PPM1H: variants seen among roughly 807,000 people sequenced by gnomAD.
PPM1H encodes protein phosphatase 1H.
PPM1H carries 27 observed loss-of-function variants against 54.9 expected under a neutral mutation model. The observed-to-expected ratio is 0.49, with a 90% CI of 0.36 to 0.68. The LOEUF (loss-of-function observed/expected upper bound fraction) is 0.68, where lower values mean the gene tolerates loss of function less well. Ranked by LOEUF, PPM1H falls within the 30% of genes least tolerant of loss-of-function variation. PPM1H has a pLI of 0.00. For synonymous variants in PPM1H, 305 were observed against 270.8 expected (o/e 1.13, Z -1.24); for missense variants, 596 against 667.8 (o/e 0.89, Z 1.19).
At chr12:62,904,157 C>G (rs1409014116) in intron 1 of PPM1H, among the ~76,000 whole-genome samples, 1 of 152,046 alleles carries the variant, frequency 6.6e-6, no homozygotes, top group Admixed American at 6.6e-5. Flanking sequence ...GGCTACATTA[C>G]ATAAAGCATT....
intron 9 of PPM1H, among the ~76,000 whole-genome samples, chr12:62,663,789 C>T (rs1396612001): frequency 6.6e-6 from 1 of 152,066 alleles, no homozygotes; most frequent in Non-Finnish European, 1.5e-5. Flanking sequence ...GTTGGGAGCT[C>T]GAGACCAGCC....
intron 1 of PPM1H, among the ~76,000 whole-genome samples, chr12:62,891,537 A>C (rs1364317349): frequency 6.6e-6 from 1 of 152,238 alleles, no homozygotes; most frequent in Non-Finnish European, 1.5e-5. Context: ...CAATCATTTT[A>C]ACTCAGATGC....
intron 6 of PPM1H, among the ~76,000 whole-genome samples, chr12:62,718,767 T>C (rs1387750153): frequency 6.6e-6 from 1 of 152,208 alleles, no homozygotes; most frequent in African/African-American, 2.4e-5. Context: ...CTGATTTTGC[T>C]AACTAAATAA....
intron 1 of PPM1H, among the ~76,000 whole-genome samples, chr12:62,878,530 GA>G (rs1468293625): frequency 3.3e-5 from 5 of 149,616 alleles, no homozygotes; most frequent in African/African-American, 1.2e-4. Flanking sequence ...GTGTTTTAAG[GA>G]ATCCTACCAG....
intron 1 of PPM1H, among the ~76,000 whole-genome samples, chr12:62,870,404 T>C (rs985593278): frequency 6.6e-6 from 1 of 152,018 alleles, no homozygotes; most frequent in Non-Finnish European, 1.5e-5. Context: ...AGAAGAGAGA[T>C]GAGAGGCTGA....
rs939687994 is a variant in PPM1H, at chr12:62,652,419, A to T, written c.1398-3783T>A. ...TTTAAGTGTATTTTATTAGTAGCAC[A>T]TGGCTAATTAAAACAAAATCCATAT... On this transcript the variant is annotated intron_variant, in intron 9 of 9. Coordinates refer to ENST00000228705, the MANE Select transcript of PPM1H (RefSeq NM_020700.2). Among the ~76,000 whole-genome samples the T allele has an allele frequency of 2.0e-5, 3 of 152,318 alleles. No homozygotes were observed. In the South Asian group the frequency reaches 6.2e-4, roughly 32 times the overall value.
At chr12:62,808,050 C>T (rs1041914629) in intron 2 of PPM1H, among the ~76,000 whole-genome samples, 1 of 152,168 alleles carries the variant, frequency 6.6e-6, no homozygotes, top group Non-Finnish European at 1.5e-5. Flanking sequence ...GTTGCCCAGG[C>T]TAGTGAACTG....
At chr12:62,761,359 A>T (rs552081648) in intron 4 of PPM1H, among the ~76,000 whole-genome samples, 4 of 152,256 alleles carry the variant, frequency 2.6e-5, no homozygotes, top group Non-Finnish European at 5.9e-5. Flanking sequence ...CCTGGGGGGC[A>T]AATGGGATTA....
rs190493632 is a variant in PPM1H at position 62,816,938 on chromosome 12, A to C, written c.412-14778T>G. Among the ~76,000 whole-genome samples the C allele has an allele frequency of 2.8e-3, 426 of 151,738 alleles. 1 individual carries two copies. The highest frequency in any genetic ancestry group is 5.0e-3 in the Non-Finnish European group (340 of 67,918). ...TGTTGTGTTCTCAGCTACTATGTACATTTTGGTCAAACCTGGTCTTCAGAG... is the reference window on the plus strand; with the variant it reads ...TGTTGTGTTCTCAGCTACTATGTACCTTTTGGTCAAACCTGGTCTTCAGAG... On this transcript the variant is annotated intron_variant, in intron 2 of 9. Coordinates refer to ENST00000228705, the MANE Select transcript of PPM1H (RefSeq NM_020700.2).
chr12:62,838,340 G>GT (rs890256057), intron 1 of PPM1H, among the ~76,000 whole-genome samples: 7 of 106,264 alleles, frequency 6.6e-5, no homozygotes, highest in South Asian at 5.9e-4. Flanking sequence ...TGTGTGTGTG[G>GT]GGGGGGGGAG....
chr12:62,654,722 C>G (rs563229307), intron 9 of PPM1H, among the ~76,000 whole-genome samples: 1 of 152,164 alleles, frequency 6.6e-6, no homozygotes, highest in Non-Finnish European at 1.5e-5. Flanking sequence ...ATGGATTCGC[C>G]GCTGCTAACC....
chr12:62,903,739 T>C (rs1375787379), intron 1 of PPM1H, among the ~76,000 whole-genome samples: 1 of 150,680 alleles, frequency 6.6e-6, no homozygotes, highest in Non-Finnish European at 1.5e-5. Context: ...GGTGGGGGAG[T>C]GGGGTGGGGG....
intron 1 of PPM1H, among the ~76,000 whole-genome samples, chr12:62,908,623 A>G (rs1293612385): frequency 6.6e-6 from 1 of 152,120 alleles, no homozygotes; most frequent in African/African-American, 2.4e-5. Flanking sequence ...GAGGGGCCAA[A>G]GTGTGGTTTG....
intron 4 of PPM1H, among the ~76,000 whole-genome samples, chr12:62,764,825 G>T (rs550369977): frequency 1.3e-5 from 2 of 152,334 alleles, no homozygotes; most frequent in South Asian, 4.1e-4. Flanking sequence ...TGGCACGGGG[G>T]GCCATGGAGA....
intron 4 of PPM1H, among the ~76,000 whole-genome samples, chr12:62,772,399 A>G (rs75020307): frequency 3.2e-4 from 49 of 152,332 alleles, no homozygotes; most frequent in African/African-American, 1.1e-3. Context: ...TCCTTCACAT[A>G]GAGAGCTACT....
intron 1 of PPM1H, among the ~76,000 whole-genome samples, chr12:62,838,337 G>GT (rs1176981299): frequency 4.9e-4 from 52 of 105,204 alleles, no homozygotes; most frequent in Middle Eastern, 5.2e-3. Flanking sequence ...GTGTGTGTGT[G>GT]TGGGGGGGGG....
chr12:62,810,580 T>C (rs765782130), intron 2 of PPM1H, among the ~76,000 whole-genome samples: 3 of 152,242 alleles, frequency 2.0e-5, no homozygotes, highest in Non-Finnish European at 2.9e-5. Flanking sequence ...TGTGTTTATA[T>C]GGTAAATGAA....
chr12:62,830,123 A>G (rs1868334538), intron 2 of PPM1H, among the ~76,000 whole-genome samples: 2 of 152,254 alleles, frequency 1.3e-5, no homozygotes, highest in Admixed American at 1.3e-4. Flanking sequence ...AATAATCACT[A>G]ACGCTTATTA....
rs7977728 is a variant in PPM1H at position 62,801,585 on chromosome 12, C to A, written c.756+231G>T. ...CCTCCCAAAGTGCTGGGATTTCAAGCGTGAGCCACCGCACTCAGCCTTCTT... is the reference window on the plus strand; with the variant it reads ...CCTCCCAAAGTGCTGGGATTTCAAGAGTGAGCCACCGCACTCAGCCTTCTT... On this transcript the variant is annotated intron_variant, in intron 3 of 9. Coordinates refer to ENST00000228705, the MANE Select transcript of PPM1H (RefSeq NM_020700.2). Among the ~76,000 whole-genome samples the A allele has an allele frequency of 6.8e-3, 1,033 of 152,294 alleles. 12 individuals are homozygous for A. Among genetic ancestry groups the A allele is most frequent in the African/African-American group, 0.024 (977 of 41,562 alleles).
Sources: gnomAD v4.1 joint callset for allele counts (sites outside exome capture counted in the v4.1 genomes callset) on GRCh38, gnomAD v4.1.1 for gene constraint, MANE v1.5 for transcripts, NCBI Gene and HGNC (gene_info 2026-07-23, HGNC 2026-07-21) for gene names.